P2RY10: variants seen among roughly 807,000 people sequenced by gnomAD.
The protein encoded by P2RY10 is P2Y receptor family member 10, also known as putative P2Y purinoceptor 10.
In P2RY10, 4 loss-of-function variants were observed where a neutral mutation model predicts 12.1. The observed-to-expected ratio is 0.33, with a 90% CI of 0.16 to 0.76. The LOEUF (loss-of-function observed/expected upper bound fraction) is 0.76. P2RY10 is among the 30% of genes least tolerant of loss of function. The pLI, the probability that P2RY10 is intolerant of heterozygous loss-of-function variation, is 0.61. For synonymous variants in P2RY10, 112 were observed against 94.1 expected, an observed-to-expected ratio of 1.19 and a Z score of -1.10; for missense variants, 233 against 264.6, an observed-to-expected ratio of 0.88 and a Z score of 0.83.
In P2RY10 at chrX:78,961,326, T is replaced by C. The variant is rs1293033215; in HGVS notation, c.806T>C (p.Val269Ala). 7 of 1,210,255 alleles carry C rather than the reference T, an allele frequency of 5.8e-6. No individual in the cohort carries two copies. The highest frequency in any genetic ancestry group is 7.8e-6 in the Non-Finnish European group (7 of 894,231). Residue 269 changes from valine (V) to alanine (A), a missense_variant, in exon 4 of 4, where the codon GTA (valine) becomes GCA (alanine). Coordinates refer to ENST00000171757, the MANE Select transcript of P2RY10 (RefSeq NM_014499.4). The part of the protein sequence containing the change: ...YHINFIFYTM[V>A]KETIISSCPV... ...ATTAACTTTATTTTTTACACCATGG[T>C]AAAGGAAACCATCATTAGCAGTTGT...
In P2RY10 at chrX:78,961,361, C is replaced by T. The variant is rs1185579273; in HGVS notation, c.841C>T (p.Arg281Ter). 2 of 1,210,988 alleles carry T rather than the reference C, an allele frequency of 1.7e-6. No homozygotes were observed. The highest frequency in any genetic ancestry group is 2.2e-5 in the Admixed American group (1 of 45,963). The change falls in exon 4 of 4, where the codon CGA becomes TGA. Residue 281 changes from arginine to a stop codon, truncating the protein, a stop_gained. Transcript: ENST00000171757. LOFTEE classifies it high-confidence loss of function. ...ETIISSCPVVRIALYFHPFCL... is the reference protein window; with the variant it reads ...ETIISSCPVV ...CATCATTAGCAGTTGTCCCGTTGTCCGAATCGCACTGTATTTCCACCCTTT... is the reference window on the plus strand; with the variant it reads ...CATCATTAGCAGTTGTCCCGTTGTCTGAATCGCACTGTATTTCCACCCTTT...
At chrX:78,953,910 G>T (rs1449470906) in intron 3 of P2RY10, among the ~76,000 whole-genome samples, 2 of 111,616 alleles carry the variant, frequency 1.8e-5, no homozygotes, top group Non-Finnish European at 3.8e-5. Context: ...TATCACCCAG[G>T]CTGGAGTGTA....
Position 78,960,439 on chromosome X carries a change from G to C in P2RY10, c.-13-69G>C, listed in dbSNP as rs1922550941. 5.0e-6 allele frequency: 4 copies of C among 792,433 alleles called. No individual in the cohort carries two copies. In the Middle Eastern group the frequency reaches 9.4e-4, roughly 186 times the overall value. The allele number at this position is 792,433 out of a possible 1,213,427, so 65.3% of individuals were successfully genotyped here. A position where few individuals can be genotyped will look rare whatever the true frequency, so the allele number is the denominator to read the frequency against. ...AGTCTGTGCCTCTGTAAGTATAAAA[G>C]AGAGATCTAGGTGTTAACTAAAGAA... is the stretch of plus-strand genomic sequence containing the variant. On this transcript the variant is annotated intron_variant, in intron 3 of 3. Coordinates refer to ENST00000171757, the MANE Select transcript of P2RY10 (RefSeq NM_014499.4).
chrX:78,955,227 CTGAT>C lies in P2RY10; in HGVS notation c.-14+2895_-14+2898del, dbSNP rs759807553. 8.0e-4 allele frequency among the ~76,000 whole-genome samples: 89 copies of C among 111,766 alleles called. 2 individuals are homozygous for C. Among genetic ancestry groups the C allele is most frequent in the Non-Finnish European group, 3.0e-4 (16 of 53,127 alleles). On this transcript the variant is annotated intron_variant, in intron 3 of 3. Transcript: ENST00000171757. Reference sequence around the variant, plus strand: ...CATTCACTTCAATTGTTGCTATTCACTGATTGTGATGTTAGAGATTTTTAAATGT... The same window carrying C: ...CATTCACTTCAATTGTTGCTATTCACTGTGATGTTAGAGATTTTTAAATGT...
intron 2 of P2RY10, among the ~76,000 whole-genome samples, chrX:78,948,494 C>T (rs1416626129): frequency 9.0e-6 from 1 of 111,343 alleles, no homozygotes; most frequent in African/African-American, 3.3e-5. Context: ...TTTTGAACTA[C>T]AAGTGTTTTT....
chrX:78,947,841 T>G lies in P2RY10; in HGVS notation c.-179T>G. The G allele has an allele frequency of 4.2e-6, 3 of 717,070 alleles. No individual in the cohort carries two copies. Among genetic ancestry groups the G allele is most frequent in the Non-Finnish European group, 5.0e-6 (3 of 605,177 alleles). The allele number at this position is 717,070 out of a possible 1,213,427, so 59.1% of individuals were successfully genotyped here. ...TAATGTTATCATGACAGCTTCAACT[T>G]TTAGACCACAGGCAAATGCTTTGTA... On this transcript the variant is annotated 5_prime_UTR_variant, in exon 2 of 4. Transcript: ENST00000171757.
In P2RY10 at chrX:78,952,343, G is replaced by T; in HGVS notation, c.-14+8G>T. On this transcript the variant is annotated splice_region_variant and intron_variant, in intron 3 of 3. Coordinates refer to ENST00000171757, the MANE Select transcript of P2RY10 (RefSeq NM_014499.4). Reference sequence around the variant, plus strand: ...GAGCACTTCAAACTAGAGGTACCAAGAGTAATTACTTCTGTAAGGCTGGCA... The same window carrying T: ...GAGCACTTCAAACTAGAGGTACCAATAGTAATTACTTCTGTAAGGCTGGCA... 1 of 748,405 alleles carries T rather than the reference G, an allele frequency of 1.3e-6. No homozygotes were observed. The highest frequency in any genetic ancestry group is 1.6e-6 in the Non-Finnish European group (1 of 634,064). 61.7% of individuals were successfully genotyped at this position (748,405 alleles called of 1,213,427 possible).
Position 78,963,257 on chromosome X carries a change from G to T in P2RY10, c.*1717G>T, listed in dbSNP as rs1460957906. ...GGAAGAATGAATAGCAAAAAAAGGA[G>T]AATTTTTTTAAAAAGATCTCTCACT... On this transcript the variant is annotated 3_prime_UTR_variant, in exon 4 of 4. Coordinates refer to ENST00000171757, the MANE Select transcript of P2RY10 (RefSeq NM_014499.4). Among the ~76,000 whole-genome samples the T allele has an allele frequency of 4.5e-5, 5 of 112,211 alleles. No individual in the cohort carries two copies. Among genetic ancestry groups the T allele is most frequent in the Non-Finnish European group, 9.4e-5 (5 of 53,198 alleles).
rs766245418 is a variant in P2RY10 at position 78,963,080 on chromosome X, A to C, written c.*1540A>C. Among the ~76,000 whole-genome samples the C allele has an allele frequency of 1.3e-4, 15 of 111,646 alleles. No homozygotes were observed. The highest frequency in any genetic ancestry group is 4.2e-4 in the African/African-American group (13 of 30,738). On this transcript the variant is annotated 3_prime_UTR_variant, in exon 4 of 4. Transcript: ENST00000171757. ...CATTTTAAAGAATTTGAATACAAAC[A>C]ATCCCTCAGCTTATCAGGTTGACAT...
intron 3 of P2RY10, among the ~76,000 whole-genome samples, chrX:78,957,695 G>T (rs749049666): frequency 6.4e-4 from 71 of 111,414 alleles, no homozygotes; most frequent in Admixed American, 2.2e-3. Context: ...CCTTCAGTCT[G>T]AAGCAAAAAA....
chrX:78,959,051 A>C (rs985659058), intron 3 of P2RY10, among the ~76,000 whole-genome samples: 14 of 111,762 alleles, frequency 1.3e-4, no homozygotes, highest in Non-Finnish European at 2.6e-4. Context: ...CAAAACAAAA[A>C]AAAAAACAAT....
intron 3 of P2RY10, among the ~76,000 whole-genome samples, chrX:78,960,051 C>T (rs1323884867): frequency 9.0e-6 from 1 of 110,905 alleles, no homozygotes; most frequent in African/African-American, 3.3e-5. Context: ...AAGCCAGGAC[C>T]CAAAGAGCAA....
chrX:78,948,392 G>T (rs959523922), intron 2 of P2RY10, among the ~76,000 whole-genome samples: 4 of 111,701 alleles, frequency 3.6e-5, no homozygotes, highest in African/African-American at 1.3e-4. Flanking sequence ...AAGAGGAAAT[G>T]AACTCACATT....
In P2RY10 at chrX:78,947,800, T is replaced by A. The variant is rs1921915073; in HGVS notation, c.-205-15T>A. The A allele has an allele frequency of 1.6e-6, 1 of 624,782 alleles. No individual in the cohort carries two copies. The allele number at this position is 624,782 out of a possible 1,213,427, so 51.5% of individuals were successfully genotyped here. A position where few individuals can be genotyped will look rare whatever the true frequency, so the allele number is the denominator to read the frequency against. ...ACTGAGTATCCTTTCCCAATTGCCA[T>A]TATATTTCTTTCAGGTAATGTTATC... On this transcript the variant is annotated splice_polypyrimidine_tract_variant and intron_variant, in intron 1 of 3. Transcript: ENST00000171757.
At chrX:78,960,081 G>T (rs1922532489) in intron 3 of P2RY10, among the ~76,000 whole-genome samples, 1 of 111,607 alleles carries the variant, frequency 9.0e-6, no homozygotes. Context: ...CAAAGGACAG[G>T]GATGGGAACC....
chrX:78,947,570 G>A (rs2858576), intron 1 of P2RY10, among the ~76,000 whole-genome samples: 132 of 111,684 alleles, frequency 1.2e-3, no homozygotes, highest in African/African-American at 4.1e-3. Flanking sequence ...TCATTTCTGT[G>A]CATCTCAATA....
At chrX:78,959,084 T>G (rs965824407) in intron 3 of P2RY10, among the ~76,000 whole-genome samples, 1 of 111,474 alleles carries the variant, frequency 9.0e-6, no homozygotes, top group Non-Finnish European at 1.9e-5. Context: ...CCCTTCCCCA[T>G]CTGAGAAACA....
intron 3 of P2RY10, among the ~76,000 whole-genome samples, chrX:78,959,355 A>G (rs973181183): frequency 9.0e-6 from 1 of 111,158 alleles, no homozygotes; most frequent in Non-Finnish European, 1.9e-5. Flanking sequence ...GATGATTTCC[A>G]AAGGTCCTTC....
intron 3 of P2RY10, among the ~76,000 whole-genome samples, chrX:78,955,992 C>G (rs1922317176): frequency 9.0e-6 from 1 of 111,719 alleles, no homozygotes; most frequent in African/African-American, 3.3e-5. Context: ...ATGCAGAGAG[C>G]TTTAGTGATT....
Sources: allele counts gnomAD v4.1 joint callset (sites outside exome capture counted in the v4.1 genomes callset), GRCh38; gene constraint gnomAD v4.1.1; transcripts MANE v1.5; gene names NCBI Gene and HGNC (gene_info 2026-07-23, HGNC 2026-07-21).